The following SCN3A variants were observed in gnomAD, a reference collection of about 807,000 sequenced individuals.
The protein encoded by SCN3A is sodium voltage-gated channel alpha subunit 3, also known as sodium channel protein type 3 subunit alpha.
SCN3A carries 60 observed loss-of-function variants against 187.6 expected under a neutral mutation model. The observed-to-expected ratio is 0.32, with a 90% CI of 0.26 to 0.40. SCN3A has a LOEUF of 0.40. Ranked by LOEUF, SCN3A falls within the 10% of genes least tolerant of loss-of-function variation. SCN3A has a pLI of 1.00. For missense variants in SCN3A, 1,601 were observed against 2,428.2 expected (o/e 0.66, Z 7.16); for synonymous variants, 788 against 829.2 (o/e 0.95, Z 0.85).
intron 1 of SCN3A, among the ~76,000 whole-genome samples, chr2:165,201,392 T>G (rs1338466329): frequency 1.3e-5 from 2 of 152,074 alleles, no homozygotes. Context: ...GTGGAAGATA[T>G]TATATCACCA....
At chr2:165,118,302 A>G (rs992715215) in intron 18 of SCN3A, among the ~76,000 whole-genome samples, 1 of 152,204 alleles carries the variant, frequency 6.6e-6, no homozygotes, top group African/African-American at 2.4e-5. Context: ...CTATTGTCCA[A>G]GGAGTAGAAC....
At chr2:165,119,254 C>T (rs1283813516) in intron 18 of SCN3A, among the ~76,000 whole-genome samples, 2 of 152,094 alleles carry the variant, frequency 1.3e-5, no homozygotes, top group African/African-American at 4.8e-5. Flanking sequence ...TTTTAATGCC[C>T]TAGGTCACAT....
chr2:165,164,244 A>G, intron 6 of SCN3A, 148 bp downstream of exon 6: 1 of 983,776 alleles, frequency 1.0e-6, no homozygotes, highest in Non-Finnish European at 1.6e-6. Flanking sequence ...TGCAATATGT[A>G]TTCTAATATG....
intron 22 of SCN3A, among the ~76,000 whole-genome samples, chr2:165,099,409 GA>G (rs780386203): frequency 6.6e-6 from 1 of 152,058 alleles, no homozygotes; most frequent in Non-Finnish European, 1.5e-5. Flanking sequence ...TGCTCAATTA[GA>G]AAAAAAGATC....
chr2:165,100,474 A>T, intron 21 of SCN3A, 50 bp from the exon 22 acceptor site: 3 of 1,582,748 alleles, frequency 1.9e-6, no homozygotes, highest in Non-Finnish European at 2.6e-6. Context: ...TAAACTGTTG[A>T]CTGAAGGTAT....
At chr2:165,151,879 T>G (rs1019465565) in intron 11 of SCN3A, among the ~76,000 whole-genome samples, 23 of 152,152 alleles carry the variant, frequency 1.5e-4, no homozygotes, top group African/African-American at 5.3e-4. Context: ...GAACAGTGTC[T>G]GTTCCTACAC....
chr2:165,105,774 G>T (rs534936551), intron 21 of SCN3A, among the ~76,000 whole-genome samples: 5 of 152,220 alleles, frequency 3.3e-5, no homozygotes, highest in African/African-American at 1.2e-4. Context: ...TGAAGCAGGA[G>T]GGTTGCTTGA....
intron 18 of SCN3A, among the ~76,000 whole-genome samples, chr2:165,120,297 C>T (rs1357303416): frequency 6.6e-6 from 1 of 151,844 alleles, no homozygotes; most frequent in Non-Finnish European, 1.5e-5. Context: ...ACATAAGAAA[C>T]AATAGAGTTA....
intron 7 of SCN3A, among the ~76,000 whole-genome samples, chr2:165,163,267 C>T (rs565982116): frequency 2.6e-5 from 4 of 152,174 alleles, no homozygotes; most frequent in Non-Finnish European, 5.9e-5. Flanking sequence ...ATAATATTTT[C>T]TCCTTTGTAA....
chr2:165,170,522 C>T lies in SCN3A; in HGVS notation c.291G>A (p.Lys97=). The change falls in exon 4 of 28, where the codon AAG becomes AAA. Residue 97 remains lysine, a synonymous_variant. Coordinates refer to ENST00000283254, the MANE Select transcript of SCN3A (RefSeq NM_006922.4). Reference sequence around the variant, plus strand: ...AGGTGGCACTGAATCGGAAAATTGCCTTTCCTTTATTCATTACTATAAAAG... The same window carrying T: ...AGGTGGCACTGAATCGGAAAATTGCTTTTCCTTTATTCATTACTATAAAAG... ...KKTFIVMNKG[K]AIFRFSATSA... is the part of the protein sequence containing the mutation. 6.2e-7 allele frequency: 1 copy of T among 1,609,090 alleles called. No individual in the cohort carries two copies. Among genetic ancestry groups the T allele is most frequent in the Non-Finnish European group, 8.5e-7 (1 of 1,176,226 alleles).
chr2:165,154,700 A>G (rs1688909581), intron 10 of SCN3A, 42 bp from the exon 11 acceptor site: 4 of 1,528,672 alleles, frequency 2.6e-6, no homozygotes, highest in Non-Finnish European at 3.6e-6. Flanking sequence ...TTTTAGTATA[A>G]TGTCCCCAAA....
chr2:165,147,188 A>G (rs79153420), intron 11 of SCN3A, among the ~76,000 whole-genome samples, 159 bp from the exon 12 acceptor site: 1,836 of 151,066 alleles, frequency 0.012, 24 homozygotes, highest in Non-Finnish European at 0.021. Flanking sequence ...CTTAACAATG[A>G]CCCTTATGTT....
intron 11 of SCN3A, among the ~76,000 whole-genome samples, chr2:165,151,626 G>A (rs1688687922): frequency 6.6e-6 from 1 of 152,214 alleles, no homozygotes; most frequent in Non-Finnish European, 1.5e-5. Flanking sequence ...ATGATGTAGA[G>A]AGGAAGTATC....
intron 18 of SCN3A, among the ~76,000 whole-genome samples, chr2:165,119,470 T>A (rs933656560): frequency 1.3e-5 from 2 of 152,214 alleles, no homozygotes; most frequent in Admixed American, 1.3e-4. Flanking sequence ...CTGTATTTTT[T>A]AAATCACTAA....
Position 165,127,680 on chromosome 2 carries a change from A to G in SCN3A, c.3344T>C (p.Leu1115Ser). 1 of 1,614,132 alleles carries G rather than the reference A, an allele frequency of 6.2e-7. No homozygotes were observed. ...CTCACTGCTGAACTCTTCAGTATTT[A>G]AGTTTTCAAAGTCAGACTCTCCAAC... The part of the protein sequence containing the change: ...IAVGESDFEN[L>S]NTEEFSSESE... Residue 1115 changes from leucine to serine, a missense_variant, in exon 18 of 28, where the codon TTA (leucine) becomes TCA (serine). By Grantham distance (145) the Leu-to-Ser change is moderately radical. This residue lies in a region of SCN3A where 267 missense variants were observed against 313.2 expected (regional missense o/e 0.85). Transcript: ENST00000283254.
At chr2:165,166,557 C>G (rs1205581403) in intron 5 of SCN3A, among the ~76,000 whole-genome samples, 1 of 152,098 alleles carries the variant, frequency 6.6e-6, no homozygotes, top group African/African-American at 2.4e-5. Flanking sequence ...AGTGCCTTGC[C>G]TTATATAACA....
At chr2:165,128,157 C>A in intron 17 of SCN3A, 56 bp from the exon 18 acceptor site, 1 of 1,353,198 alleles carries the variant, frequency 7.4e-7, no homozygotes, top group Non-Finnish European at 1.0e-6. Flanking sequence ...ATTTAAATAA[C>A]AGCCTAAAAA....
chr2:165,159,408 G>T (rs1689231620), intron 9 of SCN3A, among the ~76,000 whole-genome samples: 2 of 137,626 alleles, frequency 1.5e-5, no homozygotes, highest in South Asian at 4.5e-4. Context: ...CCAGGCTATA[G>T]TGCAGTGGTC....
At position 165,139,673 on chromosome 2, in the gene SCN3A, T is replaced by A; in HGVS notation, c.2020-65A>T. 3 of 1,597,278 alleles carry A rather than the reference T, an allele frequency of 1.9e-6. No homozygotes were observed. The East Asian group carries it at 6.7e-5, about 36-fold the overall frequency. On this transcript the variant is annotated intron_variant, in intron 13 of 27. Coordinates refer to ENST00000283254, the MANE Select transcript of SCN3A (RefSeq NM_006922.4). ...ATAAGTAATACAACACCACATAGCATTTCTTTGGCAAATCATGCTACATGC... is the reference window on the plus strand; with the variant it reads ...ATAAGTAATACAACACCACATAGCAATTCTTTGGCAAATCATGCTACATGC...
Sources: gnomAD v4.1 joint callset for allele counts (sites outside exome capture counted in the v4.1 genomes callset) on GRCh38, gnomAD v4.1.1 for gene constraint, gnomAD v4.1.1 regional missense constraint, MANE v1.5 for transcripts, NCBI Gene and HGNC (gene_info 2026-07-23, HGNC 2026-07-21) for gene names.